Variants in NSMCE2 observed in about 807,000 individuals in gnomAD.
NSMCE2 encodes the protein NSE2 SUMO ligase component of SMC5/6 complex.
A neutral mutation model predicts 23.8 loss-of-function variants in NSMCE2; 24 were observed. That is an observed-to-expected ratio of 1.01 (90% CI 0.73 to 1.42). The LOEUF is 1.42. Ranked by LOEUF, NSMCE2 falls within the 40% of genes most tolerant of loss-of-function variation. The probability of loss-of-function intolerance (pLI) is 0.00; values close to 1 mark genes in which losing one functional copy is unlikely to be tolerated. For synonymous variants in NSMCE2, 92 were observed against 94.1 expected (o/e 0.98, Z 0.13); for missense variants, 284 against 296.5 (o/e 0.96, Z 0.31).
At chr8:125,234,158 T>C (rs892959396) in intron 5 of NSMCE2, among the ~76,000 whole-genome samples, 2 of 151,546 alleles carry the variant, frequency 1.3e-5, no homozygotes, top group African/African-American at 2.4e-5. Context: ...CTGCCACTGC[T>C]CTCCAGCCTG....
At chr8:125,248,450 C>G (rs754937298) in intron 5 of NSMCE2, among the ~76,000 whole-genome samples, 1 of 152,168 alleles carries the variant, frequency 6.6e-6, no homozygotes, top group Non-Finnish European at 1.5e-5. Flanking sequence ...TTGAGGTCAG[C>G]AAGATCAGCC....
intron 5 of NSMCE2, among the ~76,000 whole-genome samples, chr8:125,314,925 A>G (rs1829119113): frequency 6.6e-6 from 1 of 152,188 alleles, no homozygotes; most frequent in South Asian, 2.1e-4. Context: ...GTGGAATGGG[A>G]GCAACTAATT....
chr8:125,092,088 G>A (rs1445590847), intron 1 of NSMCE2, 130 bp downstream of exon 1: 1 of 152,228 alleles, frequency 6.6e-6, no homozygotes, highest in African/African-American at 2.4e-5. Context: ...TTCACGCCAC[G>A]GTAGTGAGTC....
At chr8:125,304,244 A>G (rs1224916540) in intron 5 of NSMCE2, among the ~76,000 whole-genome samples, 1 of 152,194 alleles carries the variant, frequency 6.6e-6, no homozygotes, top group Non-Finnish European at 1.5e-5. Flanking sequence ...CATTGTTGTG[A>G]TGATTACATG....
chr8:125,291,167 G>A (rs1563766393), intron 5 of NSMCE2, among the ~76,000 whole-genome samples: 1 of 152,172 alleles, frequency 6.6e-6, no homozygotes, highest in African/African-American at 2.4e-5. Flanking sequence ...AACTTTCAGA[G>A]GTAGGTGATG....
At chr8:125,349,248 A>C (rs1812926120) in intron 5 of NSMCE2, among the ~76,000 whole-genome samples, 1 of 152,244 alleles carries the variant, frequency 6.6e-6, no homozygotes, top group South Asian at 2.1e-4. Context: ...AAAGAATTTC[A>C]AACTTGGAAT....
At chr8:125,297,886 A>G (rs1314530019) in intron 5 of NSMCE2, among the ~76,000 whole-genome samples, 3 of 152,194 alleles carry the variant, frequency 2.0e-5, no homozygotes, top group African/African-American at 7.2e-5. Context: ...TATGAAATGT[A>G]TCAGAAAATG....
At position 125,263,865 on chromosome 8, in the gene NSMCE2, G is replaced by T. The variant is rs570999776; in HGVS notation, c.418+81609G>T. Among the ~76,000 whole-genome samples the T allele has an allele frequency of 3.3e-5, 5 of 152,174 alleles. No homozygotes were observed. The East Asian group carries it at 9.7e-4, about 29-fold the overall frequency. On this transcript the variant is annotated intron_variant, in intron 5 of 7. Transcript: ENST00000287437. ...CTCTAGCGTGTAAAGAGAGATTTTT[G>T]TGTTTTACTCACTGCTGTCTCCCCA...
chr8:125,132,695 A>G (rs1470309887), intron 3 of NSMCE2, among the ~76,000 whole-genome samples: 1 of 152,026 alleles, frequency 6.6e-6, no homozygotes, highest in Non-Finnish European at 1.5e-5. Context: ...GGGTTTTGCC[A>G]TGTGGCCCAG....
At chr8:125,108,205 T>C (rs546694863) in intron 3 of NSMCE2, among the ~76,000 whole-genome samples, 1 of 152,308 alleles carries the variant, frequency 6.6e-6, no homozygotes, top group African/African-American at 2.4e-5. Flanking sequence ...AGGAGGTAGA[T>C]GACATGAGAA....
intron 5 of NSMCE2, among the ~76,000 whole-genome samples, chr8:125,329,394 T>C (rs925828646): frequency 1.3e-5 from 2 of 152,248 alleles, no homozygotes; most frequent in African/African-American, 4.8e-5. Context: ...TCACAAAACC[T>C]GGAGACCGCC....
intron 3 of NSMCE2, among the ~76,000 whole-genome samples, chr8:125,121,979 T>C (rs1819283220): frequency 6.6e-6 from 1 of 151,946 alleles, no homozygotes; most frequent in Non-Finnish European, 1.5e-5. Context: ...CCCTAACCCC[T>C]TCCCAATTGC....
chr8:125,159,753 A>T (rs1821506928), intron 4 of NSMCE2, among the ~76,000 whole-genome samples: 1 of 152,104 alleles, frequency 6.6e-6, no homozygotes, highest in African/African-American at 2.4e-5. Context: ...TGCGGTCAGG[A>T]GTTCGAGACC....
intron 4 of NSMCE2, among the ~76,000 whole-genome samples, chr8:125,163,423 T>C (rs970266464): frequency 2.0e-5 from 3 of 152,216 alleles, no homozygotes; most frequent in African/African-American, 7.2e-5. Flanking sequence ...TTGATAAGCA[T>C]GTCCAGCTGG....
At chr8:125,338,586 A>C (rs907043761) in intron 5 of NSMCE2, among the ~76,000 whole-genome samples, 1 of 152,202 alleles carries the variant, frequency 6.6e-6, no homozygotes, top group Non-Finnish European at 1.5e-5. Flanking sequence ...TCATAACCTC[A>C]GAAGCAATAC....
At chr8:125,330,177 C>CTTTTTT (rs34345598) in intron 5 of NSMCE2, among the ~76,000 whole-genome samples, 4 of 119,118 alleles carry the variant, frequency 3.4e-5, no homozygotes, top group Admixed American at 8.2e-5. Flanking sequence ...TTTCTTTTTT[C>CTTTTTT]TTTCTTTTTT....
intron 5 of NSMCE2, among the ~76,000 whole-genome samples, chr8:125,191,330 C>T (rs1454361888): frequency 6.6e-6 from 1 of 152,106 alleles, no homozygotes; most frequent in Admixed American, 6.5e-5. Flanking sequence ...ATGTTCTTTC[C>T]CACATACCAC....
intron 5 of NSMCE2, among the ~76,000 whole-genome samples, chr8:125,235,767 C>G (rs1448697835): frequency 2.0e-5 from 3 of 152,168 alleles, no homozygotes; most frequent in Non-Finnish European, 4.4e-5. Context: ...GGAAAGTCCT[C>G]AAGAGCAGGA....
At chr8:125,214,668 G>A (rs932925897) in intron 5 of NSMCE2, among the ~76,000 whole-genome samples, 5 of 152,014 alleles carry the variant, frequency 3.3e-5, no homozygotes, top group African/African-American at 4.8e-5. Flanking sequence ...CTACACACCA[G>A]TTTCCCCTAT....
Sources: allele counts gnomAD v4.1 joint callset (sites outside exome capture counted in the v4.1 genomes callset), GRCh38; gene constraint gnomAD v4.1.1; transcripts MANE v1.5; gene names NCBI Gene and HGNC (gene_info 2026-07-23, HGNC 2026-07-21).